BNC2: variants seen among roughly 807,000 people sequenced by gnomAD.
BNC2 encodes the protein zinc finger protein basonuclin-2.
BNC2 carries 20 observed loss-of-function variants against 76.3 expected under a neutral mutation model. The observed-to-expected ratio is 0.26, with a 90% CI of 0.18 to 0.38. The LOEUF (loss-of-function observed/expected upper bound fraction) is 0.38. Ranked by LOEUF, BNC2 falls within the 10% of genes least tolerant of loss-of-function variation. BNC2 has a pLI of 1.00. For synonymous variants in BNC2, 582 were observed against 514.8 expected (o/e 1.13, Z -1.77); for missense variants, 1,382 against 1,399.8 (o/e 0.99, Z 0.20).
chr9:16,868,744 A>G (rs2136241926), intron 1 of BNC2, among the ~76,000 whole-genome samples: 1 of 152,364 alleles, frequency 6.6e-6, no homozygotes, highest in African/African-American at 2.4e-5. Flanking sequence ...AGTTTACATG[A>G]AACGGCTACA....
chr9:16,781,950 G>A (rs868123338), intron 1 of BNC2, among the ~76,000 whole-genome samples: 1 of 152,046 alleles, frequency 6.6e-6, no homozygotes, highest in Admixed American at 6.6e-5. Flanking sequence ...AAAATGACAA[G>A]TAAGATTATC....
chr9:16,602,194 C>G (rs533085115), intron 3 of BNC2, among the ~76,000 whole-genome samples: 1 of 152,102 alleles, frequency 6.6e-6, no homozygotes, highest in Non-Finnish European at 1.5e-5. Flanking sequence ...AAAGTGATTT[C>G]TGAAAGACTA....
At chr9:16,501,417 G>A (rs72717045) in intron 5 of BNC2, among the ~76,000 whole-genome samples, 2 of 152,074 alleles carry the variant, frequency 1.3e-5, no homozygotes, top group Non-Finnish European at 2.9e-5. Flanking sequence ...CCTTCTCAAA[G>A]TTTACAACTT....
intron 1 of BNC2, among the ~76,000 whole-genome samples, chr9:16,749,543 A>G (rs1210165524): frequency 6.6e-6 from 1 of 152,156 alleles, no homozygotes; most frequent in Non-Finnish European, 1.5e-5. Context: ...CTACAAAAAA[A>G]TTAAAAATTA....
intron 1 of BNC2, among the ~76,000 whole-genome samples, chr9:16,851,361 C>G (rs1819123260): frequency 6.6e-6 from 1 of 151,924 alleles, no homozygotes; most frequent in African/African-American, 2.4e-5. Flanking sequence ...AAAAACTTAC[C>G]CAGGCATGAT....
chr9:16,811,883 G>A (rs1327252938), intron 1 of BNC2, among the ~76,000 whole-genome samples: 2 of 152,210 alleles, frequency 1.3e-5, no homozygotes, highest in Non-Finnish European at 2.9e-5. Flanking sequence ...TGATGCAGCG[G>A]AGGTCTCAAA....
intron 5 of BNC2, among the ~76,000 whole-genome samples, chr9:16,455,765 C>T (rs1821434750): frequency 6.7e-6 from 1 of 148,986 alleles, no homozygotes; most frequent in East Asian, 2.0e-4. Flanking sequence ...GCACTCCAGC[C>T]TGGGAGACAA....
intron 3 of BNC2, among the ~76,000 whole-genome samples, chr9:16,681,946 C>T (rs758043364): frequency 2.1e-4 from 32 of 151,866 alleles, no homozygotes; most frequent in Non-Finnish European, 3.7e-4. Flanking sequence ...GCGCTGGTGA[C>T]CAAGGATGTA....
At chr9:16,488,625 G>C (rs948979195) in intron 5 of BNC2, among the ~76,000 whole-genome samples, 10 of 152,136 alleles carry the variant, frequency 6.6e-5, no homozygotes, top group Admixed American at 3.3e-4. Context: ...GACAGATTAA[G>C]TACTGCCTTA....
chr9:16,672,549 C>T (rs1822511761), intron 3 of BNC2, among the ~76,000 whole-genome samples: 1 of 152,072 alleles, frequency 6.6e-6, no homozygotes, highest in Admixed American at 6.6e-5. Flanking sequence ...AGCAAAAAAT[C>T]CTAACTGTTC....
intron 3 of BNC2, chr9:16,685,704 C>T (rs1822957287): frequency 1.9e-6 from 2 of 1,035,440 alleles, no homozygotes; most frequent in Non-Finnish European, 1.3e-6. Flanking sequence ...TTGACCCAGG[C>T]AGAGAGAGGA....
chr9:16,652,770 A>G (rs1205080222), intron 3 of BNC2, among the ~76,000 whole-genome samples: 1 of 152,174 alleles, frequency 6.6e-6, no homozygotes, highest in African/African-American at 2.4e-5. Flanking sequence ...ATGCAACAAC[A>G]TTCCTAAAAG....
chr9:16,599,857 C>T (rs955253729), intron 3 of BNC2, among the ~76,000 whole-genome samples: 9 of 152,286 alleles, frequency 5.9e-5, no homozygotes, highest in African/African-American at 2.2e-4. Flanking sequence ...TTGATAACAG[C>T]GCATGCCCAT....
intron 1 of BNC2, among the ~76,000 whole-genome samples, chr9:16,827,492 C>T (rs1002521797): frequency 5.3e-5 from 8 of 152,162 alleles, no homozygotes; most frequent in African/African-American, 1.9e-4. Flanking sequence ...AGCTCTGATT[C>T]TCCTACTTGT....
intron 1 of BNC2, among the ~76,000 whole-genome samples, chr9:16,785,465 C>T (rs1369709659): frequency 2.6e-5 from 4 of 151,710 alleles, no homozygotes; most frequent in Non-Finnish European, 5.9e-5. Context: ...CTCGTTATTG[C>T]CTAACTGCAA....
chr9:16,493,914 T>C (rs540800305), intron 5 of BNC2, among the ~76,000 whole-genome samples: 1 of 152,234 alleles, frequency 6.6e-6, no homozygotes, highest in South Asian at 2.1e-4. Flanking sequence ...GATGTGGGCA[T>C]GTAGGACATG....
intron 1 of BNC2, among the ~76,000 whole-genome samples, chr9:16,790,571 C>A (rs1817478003): frequency 1.3e-5 from 2 of 152,162 alleles, no homozygotes; most frequent in South Asian, 4.1e-4. Flanking sequence ...GATAGGTATA[C>A]TTCCTTCTAA....
intron 1 of BNC2, among the ~76,000 whole-genome samples, chr9:16,844,980 G>A (rs901222857): frequency 6.6e-5 from 10 of 152,048 alleles, no homozygotes; most frequent in South Asian, 2.1e-4. Context: ...ACAAAACATC[G>A]CCCAAGATTT....
intron 1 of BNC2, among the ~76,000 whole-genome samples, chr9:16,831,025 A>G (rs1435094274): frequency 1.3e-5 from 2 of 152,208 alleles, no homozygotes; most frequent in Non-Finnish European, 2.9e-5. Flanking sequence ...CTCAACGAAA[A>G]CGTCATTATT....
Sources: allele counts gnomAD v4.1 joint callset (sites outside exome capture counted in the v4.1 genomes callset), GRCh38; gene constraint gnomAD v4.1.1; transcripts MANE v1.5; gene names NCBI Gene and HGNC (gene_info 2026-07-23, HGNC 2026-07-21).